The following ACTR3C variants were observed in gnomAD, a reference collection of about 807,000 sequenced individuals.
ACTR3C encodes the protein actin related protein 3C.
Under a neutral mutation model 26.3 loss-of-function variants are expected in ACTR3C, and 18 were observed. That is an observed-to-expected ratio of 0.68 (90% CI 0.47 to 1.01). ACTR3C has a LOEUF of 1.01. Ranked by LOEUF, ACTR3C falls within the 50% of genes least tolerant of loss-of-function variation. The pLI is 0.00. For synonymous variants in ACTR3C, 55 were observed against 94.5 expected (o/e 0.58, Z 2.42); for missense variants, 184 against 250.7 (o/e 0.73, Z 1.80).
chr7:149,945,573 C>T, the ACTR3C span, among the ~76,000 whole-genome samples: 11 of 152,186 alleles, frequency 7.2e-5, no homozygotes, highest in Middle Eastern at 3.4e-3. Context: ...ACAGAAAGCC[C>T]GCAGCTCAGA....
chr7:150,306,177 G>A (rs1278549381), intron 1 of ACTR3C, among the ~76,000 whole-genome samples: 1 of 152,024 alleles, frequency 6.6e-6, no homozygotes, highest in Non-Finnish European at 1.5e-5. Context: ...CCTTTTCCAT[G>A]TTCACACCAA....
chr7:150,035,406 A>G, the ACTR3C span, among the ~76,000 whole-genome samples: 48 of 24,754 alleles, frequency 1.9e-3, 6 homozygotes, highest in African/African-American at 9.1e-3. Context: ...CCTAAGATCC[A>G]GGGGGGGAAG....
chr7:150,179,406 T>C, the ACTR3C span, among the ~76,000 whole-genome samples: 5 of 105,346 alleles, frequency 4.7e-5, no homozygotes, highest in South Asian at 7.4e-4. Context: ...TCCAGAAAGA[T>C]AGACACAACA....
chr7:150,140,389 G>A, the ACTR3C span, among the ~76,000 whole-genome samples: 7 of 152,112 alleles, frequency 4.6e-5, no homozygotes, highest in Non-Finnish European at 8.8e-5. Flanking sequence ...GAAGTCAACT[G>A]GAGAGGATTG....
At position 150,299,481 on chromosome 7, in the gene ACTR3C, A is replaced by AC. The variant is rs1388536797; in HGVS notation, c.-51-4135_-51-4134insG. The stretch of plus-strand genomic sequence containing the variant: ...CCCCCTCTCAAAAAAAAAAAAAAAA[A>AC]AAAAAAAAAAAAACAAAAAACAGGC... On this transcript the variant is annotated intron_variant, in intron 1 of 7. Transcript: ENST00000683684. Among the ~76,000 whole-genome samples the AC allele has an allele frequency of 5.7e-4, 84 of 146,590 alleles. 1 individual carries two copies. Among genetic ancestry groups the AC allele is most frequent in the African/African-American group, 2.0e-3 (77 of 38,760 alleles).
chr7:150,261,605 G>C (rs1833640633), intron 6 of ACTR3C, among the ~76,000 whole-genome samples: 4 of 152,228 alleles, frequency 2.6e-5, no homozygotes, highest in African/African-American at 7.2e-5. Flanking sequence ...GGGAGGCTGA[G>C]GCAGCAGAAT....
chr7:149,889,048 A>C, the ACTR3C span, among the ~76,000 whole-genome samples: 7 of 152,018 alleles, frequency 4.6e-5, no homozygotes, highest in Admixed American at 1.3e-4. Context: ...TTAAAAAAAA[A>C]CCATTGTTAA....
At chr7:150,160,042 G>A in the ACTR3C span, among the ~76,000 whole-genome samples, 3 of 152,124 alleles carry the variant, frequency 2.0e-5, no homozygotes, top group East Asian at 1.9e-4. Context: ...TGATGTGCCC[G>A]CCTCAGCCTC....
chr7:150,132,335 G>A, the ACTR3C span, among the ~76,000 whole-genome samples: 1 of 152,136 alleles, frequency 6.6e-6, no homozygotes, highest in South Asian at 2.1e-4. Flanking sequence ...CCAAAATATT[G>A]TAGCTTTAAA....
At chr7:150,071,857 G>A in the ACTR3C span, among the ~76,000 whole-genome samples, 6 of 149,906 alleles carry the variant, frequency 4.0e-5, no homozygotes, top group South Asian at 2.2e-4. Flanking sequence ...GGATGCAGAC[G>A]AGGGAGTTAA....
At chr7:149,957,128 A>G in the ACTR3C span, among the ~76,000 whole-genome samples, 95 of 152,180 alleles carry the variant, frequency 6.2e-4, 2 homozygotes, top group Non-Finnish European at 1.8e-4. Flanking sequence ...ATGGGCATGA[A>G]GTGGGAAGAT....
the ACTR3C span, among the ~76,000 whole-genome samples, chr7:150,059,625 G>A: frequency 3.9e-5 from 6 of 152,186 alleles, no homozygotes; most frequent in African/African-American, 1.4e-4. Flanking sequence ...GAGGGGAAAA[G>A]AGAAATAATG....
At chr7:149,961,926 G>A in the ACTR3C span, among the ~76,000 whole-genome samples, 121 of 151,952 alleles carry the variant, frequency 8.0e-4, no homozygotes, top group Admixed American at 7.5e-3. Flanking sequence ...TACACTCACT[G>A]GAAGTATACA....
the ACTR3C span, among the ~76,000 whole-genome samples, chr7:149,894,221 T>C: frequency 1.3e-5 from 2 of 152,190 alleles, no homozygotes; most frequent in Non-Finnish European, 1.5e-5. Flanking sequence ...TGAATGCTTA[T>C]CTCTCAACCA....
At chr7:150,282,483 A>G (rs1327521973) in intron 6 of ACTR3C, among the ~76,000 whole-genome samples, 1 of 146,100 alleles carries the variant, frequency 6.8e-6, no homozygotes, top group East Asian at 2.0e-4. Context: ...ACGAGAAAGC[A>G]TGGCCAGCCC....
the ACTR3C span, among the ~76,000 whole-genome samples, chr7:150,023,265 A>ATATC: frequency 6.6e-5 from 9 of 136,148 alleles, no homozygotes; most frequent in African/African-American, 2.2e-4. Flanking sequence ...ATCTCTATAT[A>ATATC]TCTCTATATG....
the ACTR3C span, among the ~76,000 whole-genome samples, chr7:150,194,731 A>G: frequency 6.6e-6 from 1 of 151,854 alleles, no homozygotes; most frequent in Non-Finnish European, 1.5e-5. Flanking sequence ...ATGTTTACAC[A>G]TTTTATTGGT....
chr7:150,039,391 C>T, the ACTR3C span, among the ~76,000 whole-genome samples: 3,296 of 37,028 alleles, frequency 0.089, 98 homozygotes, highest in East Asian at 0.18. Context: ...CCTAAGAACC[C>T]GGGGGGGAAG....
chr7:149,982,203 C>T, the ACTR3C span, among the ~76,000 whole-genome samples: 2 of 152,168 alleles, frequency 1.3e-5, no homozygotes, highest in East Asian at 3.9e-4. Context: ...TCTATACCTG[C>T]TGCTGGGTGC....
Sources: gnomAD v4.1 joint callset for allele counts (sites outside exome capture counted in the v4.1 genomes callset) on GRCh38, gnomAD v4.1.1 for gene constraint, MANE v1.5 for transcripts, NCBI Gene and HGNC (gene_info 2026-07-23, HGNC 2026-07-21) for gene names.